DGKB: variants seen among roughly 807,000 people sequenced by gnomAD.
DGKB encodes the protein diacylglycerol kinase beta, also known as 90 kDa diacylglycerol kinase.
DGKB carries 67 observed loss-of-function variants against 114.3 expected under a neutral mutation model. That is an observed-to-expected ratio of 0.59 (90% CI 0.48 to 0.72). The LOEUF is 0.72. DGKB is among the 30% of genes least tolerant of loss of function. The pLI, the probability that DGKB is intolerant of heterozygous loss-of-function variation, is 0.00. For missense variants in DGKB, 907 were observed against 975.2 expected (o/e 0.93, Z 0.93); for synonymous variants, 398 against 323.1 (o/e 1.23, Z -2.49).
intron 20 of DGKB, among the ~76,000 whole-genome samples, chr7:14,556,428 A>G (rs1258042098): frequency 6.6e-6 from 1 of 152,078 alleles, no homozygotes; most frequent in Non-Finnish European, 1.5e-5. Context: ...TGATTTCTCT[A>G]CATAAACATT....
chr7:14,769,137 A>G (rs200728453), intron 2 of DGKB, among the ~76,000 whole-genome samples: 66 of 128,944 alleles, frequency 5.1e-4, no homozygotes, highest in South Asian at 1.6e-3. Flanking sequence ...GAGAGAGAGA[A>G]AGAAAGAAAG....
intron 23 of DGKB, among the ~76,000 whole-genome samples, chr7:14,270,771 C>T (rs939171560): frequency 7.2e-5 from 11 of 152,152 alleles, no homozygotes; most frequent in African/African-American, 1.9e-4. Flanking sequence ...AAGCCCTGTG[C>T]TGGAATTTGC....
intron 2 of DGKB, among the ~76,000 whole-genome samples, chr7:14,780,250 A>C (rs1269649268): frequency 6.6e-6 from 1 of 152,150 alleles, no homozygotes; most frequent in Non-Finnish European, 1.5e-5. Flanking sequence ...GATCTGGAAA[A>C]TTCTCCAGCT....
At chr7:14,754,886 C>T (rs1171536822) in intron 3 of DGKB, among the ~76,000 whole-genome samples, 1 of 152,138 alleles carries the variant, frequency 6.6e-6, no homozygotes, top group African/African-American at 2.4e-5. Context: ...TTTCTCCTTC[C>T]TATCTAAGAG....
intron 13 of DGKB, among the ~76,000 whole-genome samples, chr7:14,639,128 A>C (rs1811279892): frequency 6.6e-6 from 1 of 152,174 alleles, no homozygotes; most frequent in South Asian, 2.1e-4. Flanking sequence ...ATGGGCTCAT[A>C]CAGACACATG....
At chr7:14,232,676 T>A (rs1054100350) in intron 23 of DGKB, among the ~76,000 whole-genome samples, 11 of 152,008 alleles carry the variant, frequency 7.2e-5, no homozygotes, top group African/African-American at 2.7e-4. Flanking sequence ...ACTAACTTTT[T>A]AAAGGGCACA....
chr7:14,878,807 A>C (rs1389854130), intron 1 of DGKB, among the ~76,000 whole-genome samples: 1 of 151,428 alleles, frequency 6.6e-6, no homozygotes, highest in Non-Finnish European at 1.5e-5. Flanking sequence ...TTTATTATTT[A>C]TATCATGTGA....
chr7:14,337,397 T>G (rs1440651811), intron 23 of DGKB, among the ~76,000 whole-genome samples: 4 of 152,262 alleles, frequency 2.6e-5, no homozygotes, highest in African/African-American at 9.6e-5. Context: ...CCAAGATTAC[T>G]TACACATTTT....
chr7:14,809,853 G>A (rs1008828020), intron 2 of DGKB, among the ~76,000 whole-genome samples: 4 of 152,092 alleles, frequency 2.6e-5, no homozygotes, highest in Non-Finnish European at 4.4e-5. Context: ...GTGAGCAATA[G>A]GTCCTTTATT....
At chr7:14,235,146 A>G (rs1190751898) in intron 23 of DGKB, among the ~76,000 whole-genome samples, 3 of 152,046 alleles carry the variant, frequency 2.0e-5, no homozygotes, top group Non-Finnish European at 4.4e-5. Context: ...CCTCCTCTTG[A>G]TCTTACAGAA....
intron 23 of DGKB, among the ~76,000 whole-genome samples, chr7:14,263,684 T>C (rs1396519244): frequency 6.6e-6 from 1 of 152,198 alleles, no homozygotes; most frequent in African/African-American, 2.4e-5. Flanking sequence ...ATGATCATTT[T>C]TGAGAACATT....
At chr7:14,637,016 A>T (rs1810875910) in intron 13 of DGKB, among the ~76,000 whole-genome samples, 1 of 151,948 alleles carries the variant, frequency 6.6e-6, no homozygotes, top group African/African-American at 2.4e-5. Flanking sequence ...TAGTAAATGC[A>T]CAAAGAAGCT....
At chr7:14,156,421 C>T (rs959064595) in intron 25 of DGKB, among the ~76,000 whole-genome samples, 1 of 152,064 alleles carries the variant, frequency 6.6e-6, no homozygotes, top group Non-Finnish European at 1.5e-5. Flanking sequence ...CAACACTGCC[C>T]TTATACAGCA....
Position 14,410,050 on chromosome 7 carries a change from T to C in DGKB, c.1836-64659A>G, listed in dbSNP as rs1029718150. ...AAAGTTAAAGATAGATTTTTGACTG[T>C]GTAGGAAGTTGGTATCCCTAACTCT... On this transcript the variant is annotated intron_variant, in intron 21 of 25. Coordinates refer to ENST00000402815, the MANE Select transcript of DGKB (RefSeq NM_001350709.2). Among the ~76,000 whole-genome samples, 9 of 152,190 alleles carry C rather than the reference T, an allele frequency of 5.9e-5. 2 individuals are homozygous for C.
At chr7:14,185,350 T>A (rs993617742) in intron 23 of DGKB, among the ~76,000 whole-genome samples, 3 of 152,022 alleles carry the variant, frequency 2.0e-5, no homozygotes, top group Non-Finnish European at 4.4e-5. Flanking sequence ...CAAAACGCTA[T>A]TGAAAAAAAT....
chr7:14,535,671 T>C (rs1427223309), intron 20 of DGKB, among the ~76,000 whole-genome samples: 2 of 152,034 alleles, frequency 1.3e-5, no homozygotes, highest in Admixed American at 6.6e-5. Context: ...TACTGCAACC[T>C]CCGCCTCCCA....
At chr7:14,392,400 T>C (rs1281150106) in intron 21 of DGKB, among the ~76,000 whole-genome samples, 1 of 152,228 alleles carries the variant, frequency 6.6e-6, no homozygotes, top group Non-Finnish European at 1.5e-5. Context: ...GTTAACATGA[T>C]ATAATCACTT....
chr7:14,851,367 T>G (rs1018791335), intron 1 of DGKB, among the ~76,000 whole-genome samples: 6 of 152,208 alleles, frequency 3.9e-5, no homozygotes, highest in African/African-American at 1.4e-4. Context: ...AGAAAGTTCC[T>G]TCAAGTGAAT....
intron 20 of DGKB, among the ~76,000 whole-genome samples, chr7:14,546,383 T>G (rs2128631205): frequency 6.6e-6 from 1 of 152,216 alleles, no homozygotes; most frequent in South Asian, 2.1e-4. Flanking sequence ...TCATCAACAT[T>G]ATCTCTCCTC....
Sources: gnomAD v4.1 joint callset for allele counts (sites outside exome capture counted in the v4.1 genomes callset) on GRCh38, gnomAD v4.1.1 for gene constraint, MANE v1.5 for transcripts, NCBI Gene and HGNC (gene_info 2026-07-23, HGNC 2026-07-21) for gene names.